Variants in ANK3 observed in about 807,000 individuals in gnomAD.
The protein encoded by ANK3 is ankyrin 3, also known as ankyrin-3.
Under a neutral mutation model 370.9 loss-of-function variants are expected in ANK3, and 57 were observed. That is an observed-to-expected ratio of 0.15 (90% confidence interval 0.12 to 0.19). The LOEUF is 0.19. Ranked by LOEUF, ANK3 falls within the 10% of genes least tolerant of loss-of-function variation. The pLI is 1.00. For synonymous variants in ANK3, 1,929 were observed against 1,946.3 expected, an observed-to-expected ratio of 0.99 and a Z score of 0.23; for missense variants, 4,439 against 5,302.1, an observed-to-expected ratio of 0.84 and a Z score of 5.06.
intron 1 of ANK3, among the ~76,000 whole-genome samples, chr10:60,693,244 G>T (rs533386182): frequency 6.6e-6 from 1 of 152,232 alleles, no homozygotes; most frequent in African/African-American, 2.4e-5. Context: ...CACCTGGCTC[G>T]CAGGGTCCTA....
chr10:60,337,484 T>C (rs2053273575), intron 1 of ANK3, among the ~76,000 whole-genome samples: 1 of 152,128 alleles, frequency 6.6e-6, no homozygotes, highest in Non-Finnish European at 1.5e-5. Context: ...CTTTCAATCA[T>C]AGCATTTTCT....
At chr10:60,500,940 C>A (rs1312417916) in intron 2 of ANK3, among the ~76,000 whole-genome samples, 1 of 152,104 alleles carries the variant, frequency 6.6e-6, no homozygotes, top group Non-Finnish European at 1.5e-5. Context: ...TTACCATTTG[C>A]AAAGTGCTAT....
intron 1 of ANK3, among the ~76,000 whole-genome samples, chr10:60,720,912 C>A (rs2079854473): frequency 6.6e-6 from 1 of 152,176 alleles, no homozygotes; most frequent in Admixed American, 6.5e-5. Context: ...CAAGCCCAGA[C>A]CTTTTGAAGG....
At chr10:60,162,544 T>C (rs2095524930) in intron 23 of ANK3, among the ~76,000 whole-genome samples, 3 of 152,326 alleles carry the variant, frequency 2.0e-5, no homozygotes, top group Non-Finnish European at 2.9e-5. Context: ...AAGCTGAACA[T>C]GATTCTTCTT....
At chr10:60,441,995 G>A (rs1226107990) in intron 2 of ANK3, among the ~76,000 whole-genome samples, 1 of 151,756 alleles carries the variant, frequency 6.6e-6, no homozygotes, top group East Asian at 1.9e-4. Flanking sequence ...CACGAGATTG[G>A]TTTCAGGACC....
In ANK3 at chr10:60,100,234, G is replaced by GTTTTTTTTTTTTTTTTTTTTTTTTTTTTT. The variant is rs3045340; in HGVS notation, c.3328+5670_3328+5671insAAAAAAAAAAAAAAAAAAAAAAAAAAAAA. 1.7e-4 allele frequency among the ~76,000 whole-genome samples: 10 copies of GTTTTTTTTTTTTTTTTTTTTTTTTTTTTT among 57,900 alleles called. 4 individuals carry two copies. Among genetic ancestry groups the GTTTTTTTTTTTTTTTTTTTTTTTTTTTTT allele is most frequent in the African/African-American group, 5.1e-4 (6 of 11,736 alleles). The allele number at this position is 57,900 out of a possible 152,430, so 38.0% of individuals were successfully genotyped here. On this transcript the variant is annotated intron_variant, in intron 28 of 43. Transcript: ENST00000280772. The stretch of plus-strand genomic sequence containing the variant: ...GGCTGAAAGTCAGTATTTTGCTATG[G>GTTTTTTTTTTTTTTTTTTTTTTTTTTTTT]TTTTTTTTTTTTTTTTTTTTTTGCA...
intron 9 of ANK3, among the ~76,000 whole-genome samples, chr10:60,209,111 A>C (rs2096809460): frequency 6.6e-6 from 1 of 152,214 alleles, no homozygotes; most frequent in African/African-American, 2.4e-5. Context: ...TGAAGATGTC[A>C]GTCCTTTCTT....
chr10:60,264,075 T>TA, intron 5 of ANK3, 55 bp from the exon 6 acceptor site: 1 of 1,462,916 alleles, frequency 6.8e-7, no homozygotes, highest in East Asian at 2.4e-5. Context: ...TCTTTTTTAT[T>TA]AAATTAACAA....
chr10:60,147,303 C>T lies in ANK3; in HGVS notation c.2615-8216G>A, dbSNP rs566555743. Among the ~76,000 whole-genome samples the T allele has an allele frequency of 9.2e-5, 14 of 152,256 alleles. No homozygotes were observed. The South Asian group carries it at 2.9e-3, about 32-fold the overall frequency. ...TCAGAGAAAAACTGACAGTCCCGTGCTCAAGGTATACAATAGAGTGAGCAT... is the reference window on the plus strand; with the variant it reads ...TCAGAGAAAAACTGACAGTCCCGTGTTCAAGGTATACAATAGAGTGAGCAT... On this transcript the variant is annotated intron_variant, in intron 23 of 43. Transcript: ENST00000280772.
chr10:60,376,433 T>C (rs2060785442), intron 1 of ANK3, among the ~76,000 whole-genome samples: 1 of 151,812 alleles, frequency 6.6e-6, no homozygotes, highest in Non-Finnish European at 1.5e-5. Flanking sequence ...GTCTATCAGA[T>C]GCCAAATGGA....
intron 1 of ANK3, among the ~76,000 whole-genome samples, chr10:60,375,040 C>T (rs149626998): frequency 7.9e-5 from 12 of 152,170 alleles, no homozygotes; most frequent in South Asian, 6.2e-4. Flanking sequence ...CGTATATACA[C>T]GCACAGAAAA....
chr10:60,473,966 C>CAAAA (rs139841930), intron 2 of ANK3, among the ~76,000 whole-genome samples: 7 of 92,644 alleles, frequency 7.6e-5, no homozygotes, highest in Non-Finnish European at 1.0e-4. Context: ...CCTGTTTCTA[C>CAAAA]AAAAAAAAAA....
chr10:60,189,430 C>CA (rs1374474469), intron 16 of ANK3, among the ~76,000 whole-genome samples: 1 of 152,152 alleles, frequency 6.6e-6, no homozygotes, highest in Non-Finnish European at 1.5e-5. Context: ...CAATTACAGA[C>CA]AAATTACTAT....
chr10:60,106,079 T>C lies in ANK3; in HGVS notation c.3174-20A>G. On this transcript the variant is annotated intron_variant, in intron 27 of 43. Transcript: ENST00000280772. ...ACAGGGCTGGAAAAAAAATCCACAT[T>C]ATTTTGGTATCAAATTAAATATATT... 1 of 1,585,814 alleles carries C rather than the reference T, an allele frequency of 6.3e-7. No homozygotes were observed. The highest frequency in any genetic ancestry group is 8.6e-7 in the Non-Finnish European group (1 of 1,168,602).
At chr10:60,141,756 AG>A (rs768764072) in intron 23 of ANK3, among the ~76,000 whole-genome samples, 72 of 152,110 alleles carry the variant, frequency 4.7e-4, no homozygotes, top group Admixed American at 3.8e-3. Context: ...CCGATAAAGT[AG>A]GGGGAAAAAT....
chr10:60,675,231 T>C (rs2079109912), intron 1 of ANK3, among the ~76,000 whole-genome samples: 1 of 152,222 alleles, frequency 6.6e-6, no homozygotes, highest in African/African-American at 2.4e-5. Context: ...AAGGAGTCAG[T>C]ACATTAATCA....
chr10:60,169,455 T>A (rs771473091), intron 21 of ANK3, among the ~76,000 whole-genome samples: 5 of 151,564 alleles, frequency 3.3e-5, no homozygotes, highest in African/African-American at 4.9e-5. Flanking sequence ...CATCACATTG[T>A]ATCAAGGGTA....
chr10:60,582,862 CA>C (rs1382093984), intron 2 of ANK3, among the ~76,000 whole-genome samples: 2 of 151,794 alleles, frequency 1.3e-5, no homozygotes, highest in Non-Finnish European at 2.9e-5. Flanking sequence ...ATCAGAATAG[CA>C]AAAGATAACA....
intron 1 of ANK3, among the ~76,000 whole-genome samples, chr10:60,348,590 T>C (rs1229523659): frequency 6.6e-6 from 1 of 152,148 alleles, no homozygotes; most frequent in South Asian, 2.1e-4. Context: ...TACAAATACA[T>C]TACCCACTTC....
Sources: gnomAD v4.1 joint callset for allele counts (sites outside exome capture counted in the v4.1 genomes callset) on GRCh38, gnomAD v4.1.1 for gene constraint, MANE v1.5 for transcripts, NCBI Gene and HGNC (gene_info 2026-07-23, HGNC 2026-07-21) for gene names.